Variants in GATA4 observed in about 807,000 individuals in gnomAD.
The protein encoded by GATA4 is GATA binding protein 4.
GATA4 carries 7 observed loss-of-function variants against 37.9 expected under a neutral mutation model. The ratio of observed to expected loss-of-function variants is 0.18; its 90% CI spans 0.11 to 0.35. The LOEUF (loss-of-function observed/expected upper bound fraction) is 0.35. GATA4 is among the 10% of genes least tolerant of loss of function. The pLI is 1.00. For missense variants in GATA4, 647 were observed against 653.0 expected, an observed-to-expected ratio of 0.99 and a Z score of 0.10; for synonymous variants, 372 against 292.6, an observed-to-expected ratio of 1.27 and a Z score of -2.77.
chr8:11,745,808 A>G (rs760530269), intron 2 of GATA4, among the ~76,000 whole-genome samples: 3 of 152,192 alleles, frequency 2.0e-5, no homozygotes, highest in Non-Finnish European at 4.4e-5. Flanking sequence ...ACATACTGAG[A>G]TATTTATGAA....
intron 2 of GATA4, among the ~76,000 whole-genome samples, chr8:11,747,622 T>C (rs989245753): frequency 7.9e-5 from 12 of 152,208 alleles, no homozygotes; most frequent in African/African-American, 2.9e-4. Flanking sequence ...TTCCAAGAAC[T>C]GAAAAAGAAA....
At chr8:11,746,414 A>C (rs980958738) in intron 2 of GATA4, among the ~76,000 whole-genome samples, 24 of 152,140 alleles carry the variant, frequency 1.6e-4, no homozygotes, top group African/African-American at 5.6e-4. Flanking sequence ...GGAGGGTTGC[A>C]CTAGGTTTGG....
intron 2 of GATA4, among the ~76,000 whole-genome samples, chr8:11,743,733 C>G (rs571588601): frequency 1.3e-5 from 2 of 152,176 alleles, no homozygotes; most frequent in African/African-American, 2.4e-5. Flanking sequence ...TGCGTCAGTT[C>G]TTTGTAGGGA....
At chr8:11,723,705 AAAG>A (rs1391852058) in intron 2 of GATA4, among the ~76,000 whole-genome samples, 5 of 152,186 alleles carry the variant, frequency 3.3e-5, no homozygotes, top group Non-Finnish European at 5.9e-5. Flanking sequence ...CTCCTACCCC[AAAG>A]ATAAGATAAA....
intron 1 of GATA4, among the ~76,000 whole-genome samples, chr8:11,682,067 C>G (rs1196311241): frequency 6.6e-6 from 1 of 152,234 alleles, no homozygotes; most frequent in African/African-American, 2.4e-5. Context: ...TATTAAACTG[C>G]ACAGTAGCTA....
chr8:11,681,231 T>C (rs1203255902), intron 1 of GATA4: 3 of 985,114 alleles, frequency 3.0e-6, no homozygotes, highest in African/African-American at 1.7e-5. Context: ...TTCTCGACGT[T>C]TGGGGACTTA....
chr8:11,681,986 G>A (rs1053422786), intron 1 of GATA4, among the ~76,000 whole-genome samples: 10 of 152,182 alleles, frequency 6.6e-5, no homozygotes, highest in African/African-American at 2.4e-4. Context: ...GTCTACAGAA[G>A]TTACTCGATA....
chr8:11,712,701 A>G (rs1268050443), intron 2 of GATA4, among the ~76,000 whole-genome samples: 1 of 151,210 alleles, frequency 6.6e-6, no homozygotes, highest in Admixed American at 6.6e-5. Context: ...AAAAAAAAAA[A>G]AAAAAAAAAA....
rs199922907 is a variant in GATA4 at position 11,708,329 on chromosome 8, C to T, written c.17C>T (p.Ala6Val). ...GCAGGGACCATGTATCAGAGCTTGG[C>T]CATGGCCGCCAACCACGGGCCGCCC... Reference protein sequence around the residue: MYQSLAMAANHGPPPG... With the variant: MYQSLVMAANHGPPPG... Residue 6 changes from alanine to valine, a missense_variant, in exon 2 of 7, where the codon GCC becomes GTC. Ala to Val is a moderately conservative substitution (Grantham distance 64, BLOSUM62 0). Coordinates refer to ENST00000532059, the MANE Select transcript of GATA4 (RefSeq NM_001308093.3). This position sits in a 1 kb window ranked among gnomAD's most constrained non-coding sequence, Gnocchi z 6.7. 1.6e-5 allele frequency: 25 copies of T among 1,584,528 alleles called. No individual in the cohort carries two copies. In the East Asian group the frequency reaches 5.4e-4, roughly 34 times the overall value.
At chr8:11,739,748 CGGAGCTTCTGTCGTGTGCGGA>C (rs199967927) in intron 2 of GATA4, among the ~76,000 whole-genome samples, 3,803 of 126,502 alleles carry the variant, frequency 0.03, 106 homozygotes, top group East Asian at 0.1. Flanking sequence ...CTGTCGTGTG[CGGAGCTTCTGTCGTGTGCGGA>C]GGAGTTTCTG....
In GATA4 at chr8:11,731,079, T is replaced by C. The variant is rs562791140; in HGVS notation, c.617-17837T>C. Reference sequence around the variant, plus strand: ...TTCTGGTTTTTCATTTCCTTACCTGTAATCTGTTCACTCTTGGTCAGCAAG... The same window carrying C: ...TTCTGGTTTTTCATTTCCTTACCTGCAATCTGTTCACTCTTGGTCAGCAAG... On this transcript the variant is annotated intron_variant, in intron 2 of 6. Transcript: ENST00000532059. Among the ~76,000 whole-genome samples the C allele has an allele frequency of 3.3e-5, 5 of 152,370 alleles. 1 individual carries two copies. The South Asian group carries it at 8.3e-4, about 25-fold the overall frequency.
chr8:11,749,131 C>T lies in GATA4; in HGVS notation c.786+46C>T, dbSNP rs1802173155. The T allele has an allele frequency of 6.2e-7, 1 of 1,600,140 alleles. No individual in the cohort carries two copies. The highest frequency in any genetic ancestry group is 1.3e-5 in the African/African-American group (1 of 74,772). ...CTCCTCTGGGCACCTGGCTGCGGAGCTCTCGCCTTGGTGGGACATCCTCTG... is the reference window on the plus strand; with the variant it reads ...CTCCTCTGGGCACCTGGCTGCGGAGTTCTCGCCTTGGTGGGACATCCTCTG... On this transcript the variant is annotated intron_variant, in intron 3 of 6. Transcript: ENST00000532059. The surrounding 1 kb of genome is among the most constrained non-coding windows in gnomAD (Gnocchi z 4.6).
intron 1 of GATA4, among the ~76,000 whole-genome samples, chr8:11,704,935 G>T (rs959282727): frequency 6.6e-6 from 1 of 152,244 alleles, no homozygotes; most frequent in African/African-American, 2.4e-5. Context: ...TGCCCGCGCT[G>T]CTTCTACCTG....
At chr8:11,706,764 C>G (rs1305533046) in intron 1 of GATA4, among the ~76,000 whole-genome samples, 2 of 152,120 alleles carry the variant, frequency 1.3e-5, no homozygotes, top group African/African-American at 4.8e-5. Flanking sequence ...TTCCCTTCCC[C>G]CACCCCTTCT....
At chr8:11,729,295 C>T (rs190721313) in intron 2 of GATA4, among the ~76,000 whole-genome samples, 21 of 152,088 alleles carry the variant, frequency 1.4e-4, no homozygotes, top group African/African-American at 3.1e-4. Flanking sequence ...TGCAGCTGGG[C>T]GCGGTGGCTC....
At chr8:11,754,920 C>G in intron 4 of GATA4, 126 bp from the exon 5 acceptor site, 1 of 751,222 alleles carries the variant, frequency 1.3e-6, no homozygotes, top group Non-Finnish European at 2.4e-6. Context: ...TGCAGCCCGT[C>G]TGGGCCCCAG....
upstream of GATA4, among the ~76,000 whole-genome samples, chr8:11,687,717 C>G (rs1245352693): frequency 6.6e-6 from 1 of 152,184 alleles, no homozygotes; most frequent in Non-Finnish European, 1.5e-5. Flanking sequence ...GCCTCCCTCA[C>G]CCTCCAGAGA....
intron 1 of GATA4, chr8:11,694,692 A>C (rs1585567716): frequency 5.0e-6 from 1 of 200,086 alleles, no homozygotes; most frequent in South Asian, 1.7e-4. Flanking sequence ...TTTTAAATTC[A>C]AATTCAAATG....
At chr8:11,746,628 C>T (rs565355598) in intron 2 of GATA4, among the ~76,000 whole-genome samples, 45 of 152,330 alleles carry the variant, frequency 3.0e-4, no homozygotes, top group Non-Finnish European at 2.9e-5. Context: ...TCTTTAATCC[C>T]CTCATGGGCA....
Sources: allele counts gnomAD v4.1 joint callset (sites outside exome capture counted in the v4.1 genomes callset), GRCh38; gene constraint gnomAD v4.1.1; non-coding constraint Gnocchi (gnomAD v3.1); transcripts MANE v1.5; gene names NCBI Gene and HGNC (gene_info 2026-07-23, HGNC 2026-07-21).